Variants in TRIM16 observed in about 807,000 individuals in gnomAD.
TRIM16 encodes the protein tripartite motif containing 16.
A neutral mutation model predicts 50.4 loss-of-function variants in TRIM16; 33 were observed. That is an observed-to-expected ratio of 0.65 (90% CI 0.50 to 0.88). The LOEUF (loss-of-function observed/expected upper bound fraction) is 0.88. Among genes scored for constraint, TRIM16 ranks in the 40% least tolerant of loss-of-function variants. TRIM16 has a pLI of 0.00. For missense variants in TRIM16, 581 were observed against 686.8 expected (o/e 0.85, Z 1.72); for synonymous variants, 229 against 270.7 (o/e 0.85, Z 1.51).
Position 15,632,536 on chromosome 17 carries a change from T to C in TRIM16, c.988A>G (p.Lys330Glu), listed in dbSNP as rs145947268. 9.9e-6 allele frequency: 16 copies of C among 1,613,102 alleles called. No homozygotes were observed. The African/African-American group carries it at 2.0e-4, about 20-fold the overall frequency. ...HLIQLLENYK[K>E]KLQEFSKEEE... is the part of the protein sequence containing the mutation. The stretch of plus-strand genomic sequence containing the variant: ...TCCTTGGAAAACTCCTGGAGCTTTT[T>C]CTTATAGTTCTCCAGCAACTGGATT... Residue 330 changes from lysine (K) to glutamate (E), a missense_variant, in exon 10 of 12, where the codon AAA (lysine) becomes GAA (glutamate). Lys to Glu is a moderately conservative substitution (Grantham distance 56, BLOSUM62 1). This residue lies in a region of TRIM16 where 450 missense variants were observed against 544.3 expected (regional missense o/e 0.83). Coordinates refer to ENST00000649191, the MANE Select transcript of TRIM16 (RefSeq NM_001348119.1).
At chr17:15,680,113 A>C (rs1027408525) in intron 4 of TRIM16, among the ~76,000 whole-genome samples, 5 of 152,122 alleles carry the variant, frequency 3.3e-5, no homozygotes, top group African/African-American at 1.2e-4. Context: ...TAAGTCATTT[A>C]TGTCACTAAC....
At chr17:15,665,008 G>A (rs1054299636) in intron 6 of TRIM16, among the ~76,000 whole-genome samples, 1 of 142,580 alleles carries the variant, frequency 7.0e-6, no homozygotes, top group Non-Finnish European at 1.5e-5. Context: ...CTCCAGCCTG[G>A]GCAACAGAGT....
intron 6 of TRIM16, among the ~76,000 whole-genome samples, chr17:15,675,812 T>C (rs1988912440): frequency 6.8e-6 from 1 of 148,056 alleles, no homozygotes. Context: ...TATACATATA[T>C]ATTTGCATAT....
At position 15,651,289 on chromosome 17, in the gene TRIM16, C is replaced by A. The variant is rs755629686; in HGVS notation, c.321G>T (p.Pro107=). ...TTTGCAGTTTGATGTTCACCTGATGCGGCTGCAAGTGCTCTTCACAGTAAT... is the reference window on the plus strand; with the variant it reads ...TTTGCAGTTTGATGTTCACCTGATGAGGCTGCAAGTGCTCTTCACAGTAAT... ...MVNYCEEHLQ[P]HQVNIKLQSH... Residue 107 remains proline, a synonymous_variant, in exon 7 of 12, where the codon CCG becomes CCT. Coordinates refer to ENST00000649191, the MANE Select transcript of TRIM16 (RefSeq NM_001348119.1). The A allele has an allele frequency of 6.2e-6, 10 of 1,614,108 alleles. No homozygotes were observed. Among genetic ancestry groups the A allele is most frequent in the African/African-American group, 1.3e-5 (1 of 74,934 alleles).
rs566890853 is a variant in TRIM16 at position 15,661,721 on chromosome 17, T to A, written c.-337-9775A>T. ...ATGTTACTGAAACTGCTCATTCTCT[T>A]TACTCAGAGCGCCTTTTCTCCCTTA... On this transcript the variant is annotated intron_variant, in intron 6 of 11. Transcript: ENST00000649191. 4.9e-4 allele frequency among the ~76,000 whole-genome samples: 74 copies of A among 152,326 alleles called. 2 individuals carry two copies. The highest frequency in any genetic ancestry group is 2.7e-3 in the East Asian group (14 of 5,184).
chr17:15,637,363 T>G (rs796281070), intron 8 of TRIM16, among the ~76,000 whole-genome samples: 9 of 48,780 alleles, frequency 1.8e-4, no homozygotes, highest in East Asian at 7.0e-4. Context: ...TCAGCCCCCC[T>G]ACCCGGCCAG....
intron 6 of TRIM16, among the ~76,000 whole-genome samples, chr17:15,655,643 C>G (rs1035433795): frequency 6.6e-6 from 1 of 151,788 alleles, no homozygotes; most frequent in Non-Finnish European, 1.5e-5. Flanking sequence ...GGCATGATCT[C>G]GGCTCACTGC....
At chr17:15,650,543 C>T (rs1048951543) in intron 7 of TRIM16, among the ~76,000 whole-genome samples, 16 of 152,166 alleles carry the variant, frequency 1.1e-4, no homozygotes, top group Non-Finnish European at 1.6e-4. Context: ...ACCTAAGTTT[C>T]AAATTCTCTG....
intron 6 of TRIM16, among the ~76,000 whole-genome samples, chr17:15,673,342 T>C (rs1187635792): frequency 6.6e-6 from 1 of 152,234 alleles, no homozygotes; most frequent in African/African-American, 2.4e-5. Flanking sequence ...ACAAAAATCC[T>C]TTCTTCTCTA....
At chr17:15,679,799 C>T (rs1391277018) in intron 4 of TRIM16, among the ~76,000 whole-genome samples, 20 of 151,894 alleles carry the variant, frequency 1.3e-4, no homozygotes, top group Admixed American at 8.5e-4. Flanking sequence ...TAGCCGGGCG[C>T]GGTGGCGGGT....
chr17:15,648,113 C>A (rs1987494239), intron 7 of TRIM16, among the ~76,000 whole-genome samples: 1 of 151,776 alleles, frequency 6.6e-6, no homozygotes, highest in African/African-American at 2.4e-5. Flanking sequence ...GTAGTCCCAG[C>A]TACTCGGGAG....
At chr17:15,681,844 C>T (rs1484646872) in intron 3 of TRIM16, among the ~76,000 whole-genome samples, 2 of 152,226 alleles carry the variant, frequency 1.3e-5, no homozygotes, top group Non-Finnish European at 2.9e-5. Context: ...GTACTTAAAC[C>T]TCCTTGTGGA....
chr17:15,639,045 C>CTTTT (rs529832460), intron 8 of TRIM16, among the ~76,000 whole-genome samples: 8 of 100,918 alleles, frequency 7.9e-5, no homozygotes, highest in Non-Finnish European at 1.1e-4. Flanking sequence ...TTCTCTCTCT[C>CTTTT]TTTTTTTTTT....
intron 9 of TRIM16, among the ~76,000 whole-genome samples, chr17:15,634,037 A>T (rs1421152181): frequency 6.9e-6 from 1 of 145,276 alleles, no homozygotes; most frequent in African/African-American, 2.6e-5. Context: ...TACTAAAAAT[A>T]AAAAAAATTT....
intron 6 of TRIM16, 41 bp from the exon 7 acceptor site, chr17:15,651,987 G>T: frequency 9.1e-7 from 1 of 1,103,316 alleles, no homozygotes; most frequent in Non-Finnish European, 1.1e-6. Flanking sequence ...TTATAAGCCT[G>T]TGTGGCTTTG....
At chr17:15,652,018 T>A (rs1987735072) in intron 6 of TRIM16, 72 bp from the exon 7 acceptor site, 6 of 1,040,934 alleles carry the variant, frequency 5.8e-6, no homozygotes, top group Non-Finnish European at 6.9e-6. Context: ...CAAGCGACAT[T>A]TTTTTTTGTT....
intron 8 of TRIM16, among the ~76,000 whole-genome samples, chr17:15,637,353 T>G (rs1597610187): frequency 2.4e-5 from 2 of 82,492 alleles, no homozygotes; most frequent in African/African-American, 6.3e-5. Context: ...GATGGGGGGG[T>G]CAGCCCCCCT....
At chr17:15,644,801 G>T (rs1347385470) in intron 7 of TRIM16, among the ~76,000 whole-genome samples, 3 of 149,232 alleles carry the variant, frequency 2.0e-5, no homozygotes, top group Admixed American at 1.3e-4. Context: ...CTAAGTTTTT[G>T]TTGTTGTTGT....
chr17:15,673,543 A>C (rs1988803232), intron 6 of TRIM16, among the ~76,000 whole-genome samples: 1 of 152,220 alleles, frequency 6.6e-6, no homozygotes, highest in Admixed American at 6.5e-5. Flanking sequence ...GATATGGGAA[A>C]GTCAAGGGAC....
Sources: gnomAD v4.1 joint callset for allele counts (sites outside exome capture counted in the v4.1 genomes callset) on GRCh38, gnomAD v4.1.1 for gene constraint, gnomAD v4.1.1 regional missense constraint, MANE v1.5 for transcripts, NCBI Gene and HGNC (gene_info 2026-07-23, HGNC 2026-07-21) for gene names.